The following SYNDIG1 variants were observed in gnomAD, a reference collection of about 807,000 sequenced individuals.
SYNDIG1 encodes the protein synapse differentiation-inducing gene protein 1.
Under a neutral mutation model 19.4 loss-of-function variants are expected in SYNDIG1, and 9 were observed. The ratio of observed to expected loss-of-function variants is 0.46; its 90% CI spans 0.28 to 0.81. The LOEUF is 0.81. SYNDIG1 is among the 30% of genes least tolerant of loss of function. The pLI is 0.12. For synonymous variants in SYNDIG1, 141 were observed against 145.9 expected (o/e 0.97, Z 0.24); for missense variants, 311 against 343.3 (o/e 0.91, Z 0.74).
intron 3 of SYNDIG1, among the ~76,000 whole-genome samples, chr20:24,585,315 G>T (rs2058399086): frequency 6.6e-6 from 1 of 152,230 alleles, no homozygotes; most frequent in Non-Finnish European, 1.5e-5. Context: ...TCATTTAGGT[G>T]CTGGTGTTGT....
chr20:24,557,569 A>G (rs2057847684), intron 2 of SYNDIG1, among the ~76,000 whole-genome samples: 1 of 152,066 alleles, frequency 6.6e-6, no homozygotes, highest in African/African-American at 2.4e-5. Flanking sequence ...CTAGAGGTCC[A>G]CTCCAGACCC....
chr20:24,477,710 G>A (rs1166392123), intron 1 of SYNDIG1, among the ~76,000 whole-genome samples: 2 of 152,198 alleles, frequency 1.3e-5, no homozygotes, highest in Non-Finnish European at 2.9e-5. Context: ...GCTCCAGTGT[G>A]TCCTGTACAT....
intron 3 of SYNDIG1, among the ~76,000 whole-genome samples, chr20:24,663,810 G>T (rs916173806): frequency 6.6e-6 from 1 of 152,158 alleles, no homozygotes; most frequent in African/African-American, 2.4e-5. Context: ...TAAGGCTGGT[G>T]ATCATGGCGG....
intron 3 of SYNDIG1, among the ~76,000 whole-genome samples, chr20:24,589,568 C>A (rs2058473325): frequency 6.6e-6 from 1 of 152,210 alleles, no homozygotes; most frequent in Non-Finnish European, 1.5e-5. Context: ...CAGCCGGGGA[C>A]CAAAGCCAGA....
At chr20:24,489,446 C>A (rs1468053422) in intron 1 of SYNDIG1, among the ~76,000 whole-genome samples, 3 of 151,494 alleles carry the variant, frequency 2.0e-5, no homozygotes, top group Non-Finnish European at 4.4e-5. Context: ...CATGCACACA[C>A]AGACACATGC....
chr20:24,600,433 C>A (rs1038974810), intron 3 of SYNDIG1, among the ~76,000 whole-genome samples: 1 of 152,122 alleles, frequency 6.6e-6, no homozygotes, highest in Admixed American at 6.5e-5. Context: ...CCCTGGGACC[C>A]CCAGGGTAGA....
intron 2 of SYNDIG1, among the ~76,000 whole-genome samples, chr20:24,570,194 A>G (rs1447924308): frequency 1.3e-5 from 2 of 152,380 alleles, no homozygotes; most frequent in East Asian, 3.9e-4. Flanking sequence ...GTGCTTAGCT[A>G]TAAAGCTTTT....
At chr20:24,612,201 C>T (rs897949988) in intron 3 of SYNDIG1, among the ~76,000 whole-genome samples, 3 of 152,220 alleles carry the variant, frequency 2.0e-5, no homozygotes, top group African/African-American at 4.8e-5. Flanking sequence ...CTTAGGAGCA[C>T]GGACGCCTCC....
chr20:24,510,614 T>G (rs933161671), intron 1 of SYNDIG1, among the ~76,000 whole-genome samples: 1 of 151,440 alleles, frequency 6.6e-6, no homozygotes, highest in African/African-American at 2.4e-5. Context: ...CTGTTTGAGA[T>G]CATATTTTTG....
At chr20:24,505,544 T>C (rs1269492423) in intron 1 of SYNDIG1, among the ~76,000 whole-genome samples, 1 of 152,228 alleles carries the variant, frequency 6.6e-6, no homozygotes, top group African/African-American at 2.4e-5. Context: ...TAAATGGCAC[T>C]GCAACATTTT....
intron 1 of SYNDIG1, among the ~76,000 whole-genome samples, chr20:24,528,435 A>T (rs968371507): frequency 1.3e-5 from 2 of 152,318 alleles, no homozygotes; most frequent in South Asian, 4.2e-4. Flanking sequence ...TATCAATAAT[A>T]GAAATTTATT....
At chr20:24,512,197 C>T (rs1302010827) in intron 1 of SYNDIG1, among the ~76,000 whole-genome samples, 1 of 142,792 alleles carries the variant, frequency 7.0e-6, no homozygotes, top group African/African-American at 2.6e-5. Context: ...CTCCAGTCAA[C>T]AGCTCCCAGC....
intron 3 of SYNDIG1, among the ~76,000 whole-genome samples, chr20:24,620,967 T>C (rs1045306135): frequency 6.6e-6 from 1 of 152,234 alleles, no homozygotes; most frequent in Admixed American, 6.5e-5. Context: ...ACCTCTCAGG[T>C]GCCCGTTGGC....
At chr20:24,630,666 A>T (rs2059226278) in intron 3 of SYNDIG1, among the ~76,000 whole-genome samples, 1 of 151,868 alleles carries the variant, frequency 6.6e-6, no homozygotes, top group Non-Finnish European at 1.5e-5. Flanking sequence ...CAACATCCAC[A>T]CTCCTGAGGT....
intron 1 of SYNDIG1, among the ~76,000 whole-genome samples, chr20:24,480,012 C>T (rs115326664): frequency 0.015 from 2,276 of 152,316 alleles, 63 homozygotes; most frequent in African/African-American, 0.051. Context: ...CGTGCACGCG[C>T]GCACGCACAC....
Position 24,666,474 on chromosome 20 carries a change from G to C in SYNDIG1, c.*970G>C, listed in dbSNP as rs2059647852. 1.3e-5 allele frequency: 2 copies of C among 152,666 alleles called. No individual in the cohort carries two copies. Among genetic ancestry groups the C allele is most frequent in the Non-Finnish European group, 2.9e-5 (2 of 68,046 alleles). The allele number at this position is 152,666 out of a possible 1,614,324, so 9.5% of individuals were successfully genotyped here. On this transcript the variant is annotated 3_prime_UTR_variant, in exon 4 of 4. Coordinates refer to ENST00000376862, the MANE Select transcript of SYNDIG1 (RefSeq NM_024893.3). The stretch of plus-strand genomic sequence containing the variant: ...TTTTAAAGTGCAACTCTTGCTTCAT[G>C]CTGCTTAAGTTACCAGATGAATGCT...
intron 1 of SYNDIG1, among the ~76,000 whole-genome samples, chr20:24,518,566 T>C (rs1394736797): frequency 6.6e-6 from 1 of 152,216 alleles, no homozygotes; most frequent in East Asian, 1.9e-4. Flanking sequence ...TTCAGAAAAG[T>C]ATTTTTGTAC....
intron 2 of SYNDIG1, among the ~76,000 whole-genome samples, chr20:24,581,277 A>T (rs868687376): frequency 9.2e-5 from 14 of 152,188 alleles, no homozygotes; most frequent in African/African-American, 3.4e-4. Context: ...TAAAACATAA[A>T]CGACAATGAC....
chr20:24,662,208 G>A (rs1187744297), intron 3 of SYNDIG1, among the ~76,000 whole-genome samples: 2 of 151,652 alleles, frequency 1.3e-5, no homozygotes, highest in African/African-American at 2.4e-5. Flanking sequence ...TCCTCTGCTT[G>A]TGTAACTTTT....
Sources: allele counts gnomAD v4.1 joint callset (sites outside exome capture counted in the v4.1 genomes callset), GRCh38; gene constraint gnomAD v4.1.1; transcripts MANE v1.5; gene names NCBI Gene and HGNC (gene_info 2026-07-23, HGNC 2026-07-21).